The following ARHGAP22 variants were observed in gnomAD, a reference collection of about 807,000 sequenced individuals.
The protein encoded by ARHGAP22 is Rho GTPase activating protein 22, also known as rho GTPase-activating protein 22.
ARHGAP22 carries 48 observed loss-of-function variants against 59.1 expected under a neutral mutation model. The observed-to-expected ratio is 0.81, with a 90% CI of 0.64 to 1.03. The LOEUF (loss-of-function observed/expected upper bound fraction) is 1.03. Ranked by LOEUF, ARHGAP22 falls within the 50% of genes least tolerant of loss-of-function variation. ARHGAP22 has a pLI of 0.00. For synonymous variants in ARHGAP22, 445 were observed against 416.4 expected (o/e 1.07, Z -0.84); for missense variants, 1,015 against 958.7 (o/e 1.06, Z -0.78).
In ARHGAP22 at chr10:48,450,598, C is replaced by A; in HGVS notation, c.1531G>T (p.Ala511Ser). The change falls in exon 9 of 10, where the codon GCG becomes TCG. Residue 511 changes from alanine (A) to serine (S), a missense_variant. Ala to Ser is a moderately conservative substitution (Grantham distance 99, BLOSUM62 1). Coordinates refer to ENST00000249601, the MANE Select transcript of ARHGAP22 (RefSeq NM_021226.4). ...VPGIPSVASM[A>S]WSGASSSESS... ...TCGCTGGACGAGGCCCCGGACCACG[C>A]CATACTGGCCACGCTGGGTATGCCG... 2 of 1,546,714 alleles carry A rather than the reference C, an allele frequency of 1.3e-6. No individual in the cohort carries two copies. The highest frequency in any genetic ancestry group is 2.0e-5 in the Admixed American group (1 of 50,972).
chr10:48,622,696 C>T (rs1475746121), intron 1 of ARHGAP22, among the ~76,000 whole-genome samples: 2 of 152,116 alleles, frequency 1.3e-5, no homozygotes, highest in Non-Finnish European at 2.9e-5. Context: ...CCTCTGTTAC[C>T]ACAGCTATAA....
intron 1 of ARHGAP22, among the ~76,000 whole-genome samples, chr10:48,617,009 G>A (rs1231936933): frequency 3.9e-5 from 6 of 151,976 alleles, no homozygotes; most frequent in Non-Finnish European, 8.8e-5. Context: ...TTATAAATCT[G>A]CATTAATAGG....
chr10:48,645,961 C>G (rs2062277953), intron 1 of ARHGAP22, among the ~76,000 whole-genome samples: 1 of 152,092 alleles, frequency 6.6e-6, no homozygotes, highest in African/African-American at 2.4e-5. Flanking sequence ...ATCACAAGAA[C>G]TAATTTAAAA....
chr10:48,618,372 C>T (rs761810021), intron 1 of ARHGAP22, among the ~76,000 whole-genome samples: 1 of 152,004 alleles, frequency 6.6e-6, no homozygotes, highest in Non-Finnish European at 1.5e-5. Context: ...GATGCCCAAA[C>T]CAGATAAGGA....
At chr10:48,465,192 G>A (rs1288692335) in intron 4 of ARHGAP22, among the ~76,000 whole-genome samples, 3 of 152,252 alleles carry the variant, frequency 2.0e-5, no homozygotes, top group Non-Finnish European at 4.4e-5. Flanking sequence ...CCCAGCCATC[G>A]TGTGGGTTCC....
rs57417026 is a variant in ARHGAP22, at chr10:48,478,043, C to T, written c.451+1593G>A. Among the ~76,000 whole-genome samples the T allele has an allele frequency of 3.8e-3, 579 of 152,254 alleles. 9 individuals carry two copies. The highest frequency in any genetic ancestry group is 0.013 in the African/African-American group (535 of 41,534). On this transcript the variant is annotated intron_variant, in intron 4 of 9. Coordinates refer to ENST00000249601, the MANE Select transcript of ARHGAP22 (RefSeq NM_021226.4). ...AACTCATTTAAAAATTCTTTCTCTA[C>T]CCCAAGATTATGATAATGTTCCTTC...
rs547657957 is a variant in ARHGAP22 at position 48,503,931 on chromosome 10, G to A, written c.323-24167C>T. ...TGGCCTGTGCCTTTCTCTACTTTGGGTTGCTATTGAGAACGTTTTCCCCCA... is the reference window on the plus strand; with the variant it reads ...TGGCCTGTGCCTTTCTCTACTTTGGATTGCTATTGAGAACGTTTTCCCCCA... On this transcript the variant is annotated intron_variant, in intron 3 of 9. Transcript: ENST00000249601. 3.3e-5 allele frequency among the ~76,000 whole-genome samples: 5 copies of A among 152,342 alleles called. No homozygotes were observed. The East Asian group carries it at 9.6e-4, about 29-fold the overall frequency.
intron 2 of ARHGAP22, among the ~76,000 whole-genome samples, chr10:48,560,617 G>A (rs1216841540): frequency 6.6e-6 from 1 of 152,060 alleles, no homozygotes; most frequent in Non-Finnish European, 1.5e-5. Context: ...TCACCATAAA[G>A]TATGATATTA....
chr10:48,451,655 C>T, intron 8 of ARHGAP22: 1 of 650,706 alleles, frequency 1.5e-6, no homozygotes, highest in East Asian at 2.7e-5. Flanking sequence ...GCACCCCGCC[C>T]ACCCCCTAAA....
intron 3 of ARHGAP22, among the ~76,000 whole-genome samples, chr10:48,548,777 G>A (rs576050620): frequency 6.6e-6 from 1 of 152,350 alleles, no homozygotes; most frequent in African/African-American, 2.4e-5. Flanking sequence ...GGTTTGCCAG[G>A]CAGCTGCCCT....
At chr10:48,500,845 G>A (rs1031007768) in intron 3 of ARHGAP22, among the ~76,000 whole-genome samples, 2 of 148,278 alleles carry the variant, frequency 1.3e-5, no homozygotes, top group South Asian at 2.1e-4. Flanking sequence ...GAGCCAAGAC[G>A]ACGCCACTGC....
chr10:48,566,130 G>A (rs1171308293), intron 2 of ARHGAP22, among the ~76,000 whole-genome samples: 1 of 152,196 alleles, frequency 6.6e-6, no homozygotes, highest in African/African-American at 2.4e-5. Context: ...CTAGGAGACT[G>A]CCTGAAGAAA....
chr10:48,455,234 G>A, intron 5 of ARHGAP22, 100 bp from the exon 6 acceptor site: 2 of 1,382,996 alleles, frequency 1.4e-6, no homozygotes, highest in Non-Finnish European at 9.6e-7. Context: ...TCTGGTCTCA[G>A]GTGCATTCTT....
In ARHGAP22 at chr10:48,605,023, C is replaced by T; in HGVS notation, c.-227G>A. ...TTATTTATCCATCCCAGAATTAATTCCCATCCAAGCGGACCATTAAAGCCT... is the reference window on the plus strand; with the variant it reads ...TTATTTATCCATCCCAGAATTAATTTCCATCCAAGCGGACCATTAAAGCCT... On this transcript the variant is annotated 5_prime_UTR_variant, in exon 1 of 10. Transcript: ENST00000249601. The T allele has an allele frequency of 7.0e-7, 1 of 1,435,016 alleles. No homozygotes were observed. Among genetic ancestry groups the T allele is most frequent in the Non-Finnish European group, 9.1e-7 (1 of 1,097,562 alleles). 88.9% of individuals were successfully genotyped at this position (1,435,016 alleles called of 1,614,324 possible).
At chr10:48,611,407 C>A (rs1202134496) in intron 1 of ARHGAP22, among the ~76,000 whole-genome samples, 3 of 152,122 alleles carry the variant, frequency 2.0e-5, no homozygotes, top group Non-Finnish European at 4.4e-5. Flanking sequence ...AGCTGCCCCC[C>A]TTCCTAGAAA....
At chr10:48,570,186 G>A (rs1312186344) in intron 2 of ARHGAP22, among the ~76,000 whole-genome samples, 1 of 123,152 alleles carries the variant, frequency 8.1e-6, no homozygotes, top group African/African-American at 3.5e-5. Flanking sequence ...ATTTTGATAT[G>A]TTTAATGTGG....
In ARHGAP22 at chr10:48,582,935, C is replaced by T. The variant is rs754607956; in HGVS notation, c.234+18G>A. ...CCCTGCCACGATGCCCACGGCACAC[C>T]GGACATGCACTTCTCACCTGGGGCT... On this transcript the variant is annotated intron_variant, in intron 2 of 9. Transcript: ENST00000249601. 32 of 1,613,144 alleles carry T rather than the reference C, an allele frequency of 2.0e-5. No individual in the cohort carries two copies. Among genetic ancestry groups the T allele is most frequent in the Middle Eastern group, 1.6e-4 (1 of 6,076 alleles).
chr10:48,596,027 AT>A (rs5784769), intron 1 of ARHGAP22, among the ~76,000 whole-genome samples: 97,594 of 151,894 alleles, frequency 0.64, 33,518 homozygotes, highest in East Asian at 0.84. Flanking sequence ...GAGAGTTTGG[AT>A]TTTTTTTTCA....
chr10:48,494,488 G>T (rs1284401682), intron 3 of ARHGAP22, among the ~76,000 whole-genome samples: 1 of 152,192 alleles, frequency 6.6e-6, no homozygotes, highest in Non-Finnish European at 1.5e-5. Flanking sequence ...AGAGCAAGGG[G>T]CTACGCCTGT....
Sources: allele counts gnomAD v4.1 joint callset (sites outside exome capture counted in the v4.1 genomes callset), GRCh38; gene constraint gnomAD v4.1.1; transcripts MANE v1.5; gene names NCBI Gene and HGNC (gene_info 2026-07-23, HGNC 2026-07-21).